The following SYT1 variants were observed in gnomAD, a reference collection of about 807,000 sequenced individuals.
SYT1 encodes synaptotagmin-1.
SYT1 carries 8 observed loss-of-function variants against 44.8 expected under a neutral mutation model. The observed-to-expected ratio is 0.18, with a 90% CI of 0.10 to 0.32. The LOEUF is 0.32. SYT1 is among the 10% of genes least tolerant of loss of function. The pLI, the probability that SYT1 is intolerant of heterozygous loss-of-function variation, is 1.00. For synonymous variants in SYT1, 154 were observed against 188.8 expected, an observed-to-expected ratio of 0.82 and a Z score of 1.51; for missense variants, 286 against 509.3, an observed-to-expected ratio of 0.56 and a Z score of 4.22.
At chr12:79,093,188 A>AG (rs1233991112) in intron 3 of SYT1, among the ~76,000 whole-genome samples, 1 of 151,650 alleles carries the variant, frequency 6.6e-6, no homozygotes, top group African/African-American at 2.4e-5. Context: ...TTGTACTGCT[A>AG]GGGGTCCTTC....
chr12:79,048,572 T>C (rs1162963427), intron 3 of SYT1, among the ~76,000 whole-genome samples: 1 of 151,950 alleles, frequency 6.6e-6, no homozygotes, highest in Non-Finnish European at 1.5e-5. Flanking sequence ...TTTGTTGTAG[T>C]TATGAACGGC....
At chr12:79,136,453 T>C (rs760105141) in intron 3 of SYT1, among the ~76,000 whole-genome samples, 2 of 152,232 alleles carry the variant, frequency 1.3e-5, no homozygotes, top group African/African-American at 4.8e-5. Context: ...CTTGACCAGC[T>C]GTAAACTTGA....
Position 79,285,770 on chromosome 12 carries a change from CTG to C in SYT1, c.167-11_167-10del. On this transcript the variant is annotated splice_polypyrimidine_tract_variant and intron_variant, in intron 4 of 10. Coordinates refer to ENST00000261205, the MANE Select transcript of SYT1 (RefSeq NM_005639.3). ...CTAAGTGTTGTATGACTAGTGCTCT[CTG>C]TGTGTTTCTTTCAGTGCCACCGTGG... is the stretch of plus-strand genomic sequence containing the variant. The C allele has an allele frequency of 6.3e-7, 1 of 1,580,324 alleles. No homozygotes were observed. The highest frequency in any genetic ancestry group is 8.6e-7 in the Non-Finnish European group (1 of 1,161,328).
intron 1 of SYT1, among the ~76,000 whole-genome samples, chr12:78,892,497 C>CT (rs1271172590): frequency 6.6e-6 from 1 of 151,500 alleles, no homozygotes; most frequent in Non-Finnish European, 1.5e-5. Context: ...TAGACCTAAA[C>CT]AATCAGTTGT....
chr12:79,401,487 T>C (rs886270431), intron 9 of SYT1, among the ~76,000 whole-genome samples: 1 of 152,182 alleles, frequency 6.6e-6, no homozygotes, highest in Non-Finnish European at 1.5e-5. Flanking sequence ...TAATACAGCC[T>C]ATTACAAAAT....
chr12:78,910,420 C>A (rs2137124383), intron 1 of SYT1, among the ~76,000 whole-genome samples: 1 of 152,020 alleles, frequency 6.6e-6, no homozygotes, highest in South Asian at 2.1e-4. Context: ...TTTTTAGACT[C>A]TAGGACTCAA....
intron 4 of SYT1, among the ~76,000 whole-genome samples, chr12:79,225,734 G>A (rs922386353): frequency 1.3e-5 from 2 of 152,104 alleles, no homozygotes; most frequent in Admixed American, 1.3e-4. Flanking sequence ...ACATGGCAAG[G>A]CTGATAAGTA....
intron 5 of SYT1, chr12:79,291,747 A>G (rs1879593124): frequency 5.4e-6 from 3 of 557,618 alleles, no homozygotes; most frequent in Non-Finnish European, 6.8e-6. Flanking sequence ...CTTTGCAACA[A>G]TGTTACATTT....
At chr12:79,161,444 T>C (rs1386944400) in intron 3 of SYT1, among the ~76,000 whole-genome samples, 1 of 152,138 alleles carries the variant, frequency 6.6e-6, no homozygotes, top group Admixed American at 6.6e-5. Context: ...TTTGTGTAAG[T>C]ACACTCTATA....
intron 9 of SYT1, among the ~76,000 whole-genome samples, chr12:79,391,971 T>TACC (rs10677821): frequency 0.86 from 130,688 of 151,968 alleles, 59,226 homozygotes; most frequent in East Asian, 1. Flanking sequence ...CAATTCATAT[T>TACC]GTAAACCTTA....
intron 3 of SYT1, among the ~76,000 whole-genome samples, chr12:79,075,885 T>C (rs753737844): frequency 6.6e-6 from 1 of 152,142 alleles, no homozygotes; most frequent in Non-Finnish European, 1.5e-5. Flanking sequence ...TATTAGATGA[T>C]TATAAATCAC....
intron 1 of SYT1, among the ~76,000 whole-genome samples, chr12:78,890,109 AAAT>A (rs1412938342): frequency 6.6e-6 from 1 of 151,636 alleles, no homozygotes; most frequent in African/African-American, 2.4e-5. Flanking sequence ...GTCACCTCAA[AAAT>A]AATATTTTTT....
intron 3 of SYT1, among the ~76,000 whole-genome samples, chr12:79,213,062 T>C (rs1874556950): frequency 6.6e-6 from 1 of 152,192 alleles, no homozygotes; most frequent in Non-Finnish European, 1.5e-5. Flanking sequence ...TTTAGTGGTT[T>C]TTCAAACTGC....
chr12:79,006,411 A>T (rs992219116), intron 2 of SYT1, among the ~76,000 whole-genome samples: 1 of 152,120 alleles, frequency 6.6e-6, no homozygotes, highest in Non-Finnish European at 1.5e-5. Context: ...GGAATGCTCT[A>T]TGAGGGGAAA....
intron 1 of SYT1, among the ~76,000 whole-genome samples, chr12:78,922,087 T>C (rs1226111695): frequency 6.6e-6 from 1 of 151,966 alleles, no homozygotes; most frequent in Non-Finnish European, 1.5e-5. Context: ...ATAAAAATTA[T>C]CCTAGGGTTT....
chr12:78,929,740 A>G, intron 1 of SYT1, among the ~76,000 whole-genome samples: 1 of 152,240 alleles, frequency 6.6e-6, no homozygotes, highest in South Asian at 2.1e-4. Flanking sequence ...GTAAAATATG[A>G]TAATAATTAC....
At chr12:79,220,181 T>C (rs1875069848) in intron 4 of SYT1, among the ~76,000 whole-genome samples, 1 of 152,086 alleles carries the variant, frequency 6.6e-6, no homozygotes, top group African/African-American at 2.4e-5. Flanking sequence ...ATCCATGTTT[T>C]CTTGGTTATC....
chr12:79,398,201 C>G (rs1884943568), intron 9 of SYT1, among the ~76,000 whole-genome samples: 1 of 152,142 alleles, frequency 6.6e-6, no homozygotes. Context: ...ATAGGCTGAG[C>G]TCCTCTGAAC....
At chr12:79,007,310 G>T (rs1871155961) in intron 2 of SYT1, among the ~76,000 whole-genome samples, 1 of 152,084 alleles carries the variant, frequency 6.6e-6, no homozygotes, top group Non-Finnish European at 1.5e-5. Flanking sequence ...TTGTCCTCTG[G>T]ACTTTCATGG....
Sources: allele counts gnomAD v4.1 joint callset (sites outside exome capture counted in the v4.1 genomes callset), GRCh38; gene constraint gnomAD v4.1.1; transcripts MANE v1.5; gene names NCBI Gene and HGNC (gene_info 2026-07-23, HGNC 2026-07-21).